Variants in RAD54B observed in about 807,000 individuals in gnomAD.
RAD54B encodes RAD54 homolog B.
RAD54B carries 78 observed loss-of-function variants against 95.8 expected under a neutral mutation model. The ratio of observed to expected loss-of-function variants is 0.81; its 90% CI spans 0.68 to 0.98. The LOEUF is 0.98. RAD54B is among the 50% of genes least tolerant of loss of function. The pLI is 0.00. For synonymous variants in RAD54B, 328 were observed against 354.9 expected (o/e 0.92, Z 0.85); for missense variants, 957 against 1,056.6 (o/e 0.91, Z 1.31).
At chr8:94,406,027 C>CACACACATAT (rs11281421) in intron 5 of RAD54B, among the ~76,000 whole-genome samples, 2,063 of 150,486 alleles carry the variant, frequency 0.014, 45 homozygotes, top group African/African-American at 0.047. Flanking sequence ...CACACACACA[C>CACACACATAT]ATATATATAA....
At chr8:94,436,696 A>G (rs1586022385) in intron 3 of RAD54B, 1 of 1,550,524 alleles carries the variant, frequency 6.4e-7, no homozygotes. Flanking sequence ...AGGGCGGTCT[A>G]CTCCAATTGC....
intron 3 of RAD54B, among the ~76,000 whole-genome samples, chr8:94,439,915 C>T (rs1563658419): frequency 2.0e-5 from 3 of 152,126 alleles, no homozygotes; most frequent in African/African-American, 7.2e-5. Flanking sequence ...CTGGCTCTTA[C>T]TTGATTATCT....
At chr8:94,429,403 C>T (rs756057082) in intron 3 of RAD54B, 64 of 867,188 alleles carry the variant, frequency 7.4e-5, no homozygotes, top group Admixed American at 3.1e-4. Flanking sequence ...TTTTTTTTAA[C>T]ACAGATCTCT....
At chr8:94,391,323 C>T (rs949376359) in intron 10 of RAD54B, among the ~76,000 whole-genome samples, 2 of 151,022 alleles carry the variant, frequency 1.3e-5, no homozygotes, top group African/African-American at 2.4e-5. Flanking sequence ...GGAAGGGAGA[C>T]GATCGCCAAG....
At chr8:94,464,170 T>C (rs1812972600) in intron 2 of RAD54B, among the ~76,000 whole-genome samples, 1 of 152,168 alleles carries the variant, frequency 6.6e-6, no homozygotes, top group Non-Finnish European at 1.5e-5. Flanking sequence ...AAAAGGACTT[T>C]GCAGATGTGA....
In RAD54B at chr8:94,380,430, T is replaced by G. The variant is rs780499776; in HGVS notation, c.1986-24A>C. On this transcript the variant is annotated intron_variant, in intron 11 of 14. Coordinates refer to ENST00000336148, the MANE Select transcript of RAD54B (RefSeq NM_012415.3). ...CCCTGTCAATCAAAAAGAAAGATTC[T>G]TTAGATAAATTTAAAGGCAGCATTA... 7.7e-6 allele frequency: 12 copies of G among 1,558,262 alleles called. No individual in the cohort carries two copies. In the African/African-American group the frequency reaches 1.2e-4, roughly 16 times the overall value.
In RAD54B at chr8:94,393,581, T is replaced by G. The variant is rs142112974; in HGVS notation, c.1518+162A>C. 8.4e-6 allele frequency: 5 copies of G among 591,806 alleles called. No homozygotes were observed. The African/African-American group carries it at 9.6e-5, about 11-fold the overall frequency. 36.7% of individuals were successfully genotyped at this position (591,806 alleles called of 1,614,324 possible). A position where few individuals can be genotyped will look rare whatever the true frequency, so the allele number is the denominator to read the frequency against. ...TTCCTATTCATGAATTTTAGACAAG[T>G]GATGTCATATTCTAAAATAAGGAAT... is the stretch of plus-strand genomic sequence containing the variant. On this transcript the variant is annotated intron_variant, in intron 9 of 14. Coordinates refer to ENST00000336148, the MANE Select transcript of RAD54B (RefSeq NM_012415.3).
At chr8:94,429,694 TAA>T (rs1812038574) in intron 3 of RAD54B, 3 of 983,248 alleles carry the variant, frequency 3.1e-6, no homozygotes, top group African/African-American at 3.5e-5. Flanking sequence ...TAGCACAGAT[TAA>T]AGAGAAAAGG....
chr8:94,378,571 T>C lies in RAD54B; in HGVS notation c.2311A>G (p.Thr771Ala), dbSNP rs1563633911. 4 of 1,602,258 alleles carry C rather than the reference T, an allele frequency of 2.5e-6. No homozygotes were observed. Among genetic ancestry groups the C allele is most frequent in the South Asian group, 1.1e-5 (1 of 88,836 alleles). Residue 771 changes from threonine (T) to alanine (A), a missense_variant, in exon 13 of 15, where the codon ACA becomes GCA. Physicochemically the swap from Thr to Ala is moderately conservative, Grantham distance 58. Transcript: ENST00000336148. ...YPVHIYRLLT[T>A]GTIEEKIYQR... is the part of the protein sequence containing the mutation. ...TGTCACACTGAAGGGTTGTTACCTG[T>C]AGTTAGGAGTCTGTAAATATGTACA...
At chr8:94,429,368 A>C in intron 3 of RAD54B, 1 of 673,098 alleles carries the variant, frequency 1.5e-6, no homozygotes, top group South Asian at 6.7e-5. Flanking sequence ...CTAACCACCA[A>C]AAATAAAAAA....
intron 2 of RAD54B, among the ~76,000 whole-genome samples, chr8:94,462,165 G>A (rs78138793): frequency 2.0e-5 from 3 of 152,168 alleles, no homozygotes; most frequent in African/African-American, 7.2e-5. Flanking sequence ...GAATACAACA[G>A]TTCATCATAT....
At chr8:94,462,461 C>T (rs1812930087) in intron 2 of RAD54B, among the ~76,000 whole-genome samples, 1 of 152,046 alleles carries the variant, frequency 6.6e-6, no homozygotes, top group Non-Finnish European at 1.5e-5. Flanking sequence ...CATTTATTTA[C>T]ATATATTAGT....
chr8:94,434,907 G>A (rs1032253565), intron 3 of RAD54B, among the ~76,000 whole-genome samples: 1 of 151,092 alleles, frequency 6.6e-6, no homozygotes, highest in Non-Finnish European at 1.5e-5. Flanking sequence ...TGTGAATATT[G>A]TAAATATTCA....
chr8:94,420,690 AAAAG>A (rs1367949746), intron 3 of RAD54B, among the ~76,000 whole-genome samples: 4 of 152,140 alleles, frequency 2.6e-5, no homozygotes, highest in African/African-American at 7.2e-5. Context: ...TACATAAAAA[AAAAG>A]AAGTTTTTGG....
chr8:94,405,817 T>A (rs1383751248), intron 5 of RAD54B, among the ~76,000 whole-genome samples: 1 of 152,182 alleles, frequency 6.6e-6, no homozygotes, highest in Non-Finnish European at 1.5e-5. Context: ...AAGAGAAACC[T>A]AAACAGTCAA....
intron 9 of RAD54B, 136 bp downstream of exon 9, chr8:94,393,607 G>A: frequency 1.3e-6 from 1 of 777,180 alleles, no homozygotes. Context: ...AATAAGGAAT[G>A]CAAGAAACGA....
chr8:94,377,022 T>G (rs909512436), intron 14 of RAD54B, among the ~76,000 whole-genome samples: 1 of 152,164 alleles, frequency 6.6e-6, no homozygotes, highest in African/African-American at 2.4e-5. Context: ...GTCCTACTCC[T>G]GATCTAGTTC....
At position 94,430,164 on chromosome 8, in the gene RAD54B, T is replaced by C. The variant is rs981797737; in HGVS notation, c.305-18849A>G. ...CCGTCTCTACTAAAAACACAAAAAATTAGCCAGGCATGGTGGTGCGCCTGT... is the reference window on the plus strand; with the variant it reads ...CCGTCTCTACTAAAAACACAAAAAACTAGCCAGGCATGGTGGTGCGCCTGT... On this transcript the variant is annotated intron_variant, in intron 3 of 14. Coordinates refer to ENST00000336148, the MANE Select transcript of RAD54B (RefSeq NM_012415.3). 1.9e-5 allele frequency: 12 copies of C among 626,546 alleles called. No homozygotes were observed. The African/African-American group carries it at 2.4e-4, about 13-fold the overall frequency. The allele number at this position is 626,546 out of a possible 1,614,324, so 38.8% of individuals were successfully genotyped here. A position where few individuals can be genotyped will look rare whatever the true frequency, so the allele number is the denominator to read the frequency against.
At chr8:94,395,587 T>C (rs531084247) in intron 8 of RAD54B, among the ~76,000 whole-genome samples, 399 of 152,250 alleles carry the variant, frequency 2.6e-3, no homozygotes, top group African/African-American at 9.2e-3. Flanking sequence ...AGCTAAAGGA[T>C]GGATACAACA....
Sources: gnomAD v4.1 joint callset for allele counts (sites outside exome capture counted in the v4.1 genomes callset) on GRCh38, gnomAD v4.1.1 for gene constraint, MANE v1.5 for transcripts, NCBI Gene and HGNC (gene_info 2026-07-23, HGNC 2026-07-21) for gene names.